The following MRPL10 variants were observed in gnomAD, a reference collection of about 807,000 sequenced individuals.
The protein encoded by MRPL10 is mitochondrial ribosomal protein L10.
MRPL10 carries 14 observed loss-of-function variants against 19.8 expected under a neutral mutation model. The observed-to-expected ratio is 0.71, with a 90% CI of 0.47 to 1.11. MRPL10 has a LOEUF of 1.11. Among genes scored for constraint, MRPL10 ranks in the 50% least tolerant of loss-of-function variants. MRPL10 has a pLI of 0.00. For missense variants in MRPL10, 318 were observed against 339.6 expected, an observed-to-expected ratio of 0.94 and a Z score of 0.50; for synonymous variants, 129 against 139.2, an observed-to-expected ratio of 0.93 and a Z score of 0.52.
In MRPL10 at chr17:47,827,117, G is replaced by C; in HGVS notation, c.310C>G (p.Leu104Val). The C allele has an allele frequency of 6.2e-7, 1 of 1,614,140 alleles. No individual in the cohort carries two copies. The highest frequency in any genetic ancestry group is 1.3e-5 in the African/African-American group (1 of 75,038). ...RMIAVCQNVA[L>V]SAEDKLLMRH... ...ATAAGAAGCTTGTCCTCTGCACTCA[G>C]AGCCACATTCTGGCAGACGGCTATC... Residue 104 changes from leucine (L) to valine (V), a missense_variant, in exon 3 of 5, where the codon CTG becomes GTG. Coordinates refer to ENST00000351111, the MANE Select transcript of MRPL10 (RefSeq NM_145255.4).
At chr17:47,827,467 G>A (rs1384060019) in intron 2 of MRPL10, among the ~76,000 whole-genome samples, 3 of 152,186 alleles carry the variant, frequency 2.0e-5, no homozygotes, top group Non-Finnish European at 4.4e-5. Flanking sequence ...CCCGAAAACA[G>A]GCCTGCAGTC....
intron 1 of MRPL10, 190 bp downstream of exon 1, chr17:47,831,270 G>C: frequency 6.8e-7 from 1 of 1,473,548 alleles, no homozygotes; most frequent in Non-Finnish European, 9.0e-7. Context: ...CAAAAGAAAC[G>C]CTGGAGACAG....
intron 4 of MRPL10, among the ~76,000 whole-genome samples, chr17:47,825,048 G>T (rs59111282): frequency 0.096 from 14,202 of 147,908 alleles, 891 homozygotes; most frequent in South Asian, 0.16. Flanking sequence ...TCAGGATGAG[G>T]TTGGGTACGG....
At position 47,831,504 on chromosome 17, in the gene MRPL10, G is replaced by A. The variant is rs1207530833; in HGVS notation, c.8C>T (p.Ala3Val). ...CCCTCGCAGCATCCCCGCCACGGCC[G>A]CAGCCATCTCCACCGGAAGAATGGA... MAAAVAGMLRGGL... is the reference protein window; with the variant it reads MAVAVAGMLRGGL... Residue 3 changes from alanine (A) to valine (V), a missense_variant, in exon 1 of 5, where the codon GCG becomes GTG. Ala to Val is a moderately conservative substitution (Grantham distance 64). Transcript: ENST00000351111. 6.5e-7 allele frequency: 1 copy of A among 1,549,958 alleles called. No homozygotes were observed. Among genetic ancestry groups the A allele is most frequent in the South Asian group, 1.2e-5 (1 of 84,014 alleles).
chr17:47,828,771 C>T (rs925404479), intron 1 of MRPL10, 101 bp from the exon 2 acceptor site: 1 of 922,630 alleles, frequency 1.1e-6, no homozygotes, highest in African/African-American at 1.7e-5. Context: ...AAAAGCACAG[C>T]TCACAGAGCT....
rs1346028432 is a variant in MRPL10 at position 47,831,457 on chromosome 17, T to C, written c.52+3A>G. On this transcript the variant is annotated splice_donor_region_variant and intron_variant, in intron 1 of 4. Transcript: ENST00000351111. ...CGCCGTGAGGACCTGGGCCACTCCT[T>C]ACCCGCCTGGGGCAGGAGACCCCCT... 6.5e-7 allele frequency: 1 copy of C among 1,548,514 alleles called. No individual in the cohort carries two copies. Among genetic ancestry groups the C allele is most frequent in the Non-Finnish European group, 8.7e-7 (1 of 1,146,762 alleles).
chr17:47,831,288 C>T, intron 1 of MRPL10, 172 bp downstream of exon 1: 2 of 1,517,406 alleles, frequency 1.3e-6, no homozygotes, highest in South Asian at 1.2e-5. Flanking sequence ...CAGACAACAT[C>T]TGGACGTTGT....
At chr17:47,828,379 T>G in intron 2 of MRPL10, 122 bp downstream of exon 2, 1 of 672,338 alleles carries the variant, frequency 1.5e-6, no homozygotes, top group Non-Finnish European at 2.3e-6. Context: ...GATCAGGCAG[T>G]CAAACTGAAA....
intron 1 of MRPL10, among the ~76,000 whole-genome samples, chr17:47,830,366 G>T (rs1421921831): frequency 6.6e-6 from 1 of 152,184 alleles, no homozygotes; most frequent in Non-Finnish European, 1.5e-5. Context: ...ACTGGGATGT[G>T]ACCTCAGAAA....
chr17:47,823,377 A>T lies in MRPL10; in HGVS notation c.*828T>A, dbSNP rs1188039627. 6.6e-6 allele frequency: 1 copy of T among 151,924 alleles called. No individual in the cohort carries two copies. Among genetic ancestry groups the T allele is most frequent in the Non-Finnish European group, 1.5e-5 (1 of 67,934 alleles). The allele number at this position is 151,924 out of a possible 1,614,324, so 9.4% of individuals were successfully genotyped here. A position where few individuals can be genotyped will look rare whatever the true frequency, so the allele number is the denominator to read the frequency against. On this transcript the variant is annotated 3_prime_UTR_variant, in exon 5 of 5. Transcript: ENST00000351111. ...GGATTTTCCTAGGAAGGGAAGCAAG[A>T]GTGAGGAAAGTCAGATGACAGAGAA...
At chr17:47,831,420 G>A (rs1367693303) in intron 1 of MRPL10, 40 bp downstream of exon 1, 4 of 1,547,702 alleles carry the variant, frequency 2.6e-6, no homozygotes, top group East Asian at 2.4e-5. Flanking sequence ...ACTAGAGAGC[G>A]GCCGCAAGAC....
In MRPL10 at chr17:47,826,649, G is replaced by C. The variant is rs1410162849; in HGVS notation, c.520C>G (p.Leu174Val). Residue 174 changes from leucine (L) to valine (V), a missense_variant, in exon 4 of 5, where the codon CTG becomes GTG. Physicochemically the swap from Leu to Val is conservative, Grantham distance 32. Transcript: ENST00000351111. ...MVRILRTVPF[L>V]PLLGGCIDDT... ...GGTGCTTGCTCACCTAGCAGCGGCA[G>C]GAATGGCACAGTCCTTAAGATCCGT... 2 of 1,613,504 alleles carry C rather than the reference G, an allele frequency of 1.2e-6. No individual in the cohort carries two copies. The highest frequency in any genetic ancestry group is 2.7e-5 in the African/African-American group (2 of 74,914).
intron 1 of MRPL10, 67 bp downstream of exon 1, chr17:47,831,393 G>C: frequency 1.3e-6 from 2 of 1,545,738 alleles, no homozygotes; most frequent in Non-Finnish European, 1.7e-6. Flanking sequence ...ATCAGTAGTA[G>C]AGGAGGGCAG....
Position 47,826,847 on chromosome 17 carries a change from T to C in MRPL10, c.388-66A>G, listed in dbSNP as rs2033542036. 8.1e-6 allele frequency: 13 copies of C among 1,600,820 alleles called. No individual in the cohort carries two copies. In the South Asian group the frequency reaches 1.1e-4, roughly 14 times the overall value. On this transcript the variant is annotated intron_variant, in intron 3 of 4. Coordinates refer to ENST00000351111, the MANE Select transcript of MRPL10 (RefSeq NM_145255.4). ...GGAGGAAGAGCTACCTCGTGGGTCA[T>C]GGGCCACATTAGGCTGAGGGTGCAA...
chr17:47,826,588 A>G, intron 4 of MRPL10, 49 bp downstream of exon 4: 1 of 1,606,474 alleles, frequency 6.2e-7, no homozygotes, highest in Non-Finnish European at 8.5e-7. Context: ...AGCAGATGGC[A>G]GCAGGCCCCT....
rs758918257 is a variant in MRPL10 at position 47,824,179 on chromosome 17, T to A, written c.*26A>T. The A allele has an allele frequency of 6.2e-7, 1 of 1,613,936 alleles. No homozygotes were observed. The highest frequency in any genetic ancestry group is 1.1e-5 in the South Asian group (1 of 91,050). On this transcript the variant is annotated 3_prime_UTR_variant, in exon 5 of 5. Coordinates refer to ENST00000351111, the MANE Select transcript of MRPL10 (RefSeq NM_145255.4). ...CAGCCAATAACGCAGAGTGTATTTATGCGCAGGGCTGGCTAAACAGGCTGG... is the reference window on the plus strand; with the variant it reads ...CAGCCAATAACGCAGAGTGTATTTAAGCGCAGGGCTGGCTAAACAGGCTGG...
chr17:47,825,782 A>G (rs1228705426), intron 4 of MRPL10, among the ~76,000 whole-genome samples: 1 of 152,150 alleles, frequency 6.6e-6, no homozygotes, highest in Non-Finnish European at 1.5e-5. Context: ...TAAGATGGTA[A>G]ATTTTGTGTG....
At chr17:47,829,100 C>G (rs1372331132) in intron 1 of MRPL10, 2 of 154,524 alleles carry the variant, frequency 1.3e-5, no homozygotes, top group Admixed American at 1.3e-4. Flanking sequence ...CCCATCTCTA[C>G]TAAAAATACA....
In MRPL10 at chr17:47,826,927, C is replaced by A. The variant is rs1298333936; in HGVS notation, c.387+113G>T. ...GGTTAGACACCAGATTAGAGGGTGA[C>A]TCATGGAGAGGAGGAGTAAGAAGTA... On this transcript the variant is annotated intron_variant, in intron 3 of 4. Coordinates refer to ENST00000351111, the MANE Select transcript of MRPL10 (RefSeq NM_145255.4). 5 of 1,456,702 alleles carry A rather than the reference C, an allele frequency of 3.4e-6. No individual in the cohort carries two copies. The African/African-American group carries it at 5.6e-5, about 16-fold the overall frequency. 90.2% of individuals were successfully genotyped at this position (1,456,702 alleles called of 1,614,324 possible).
Sources: gnomAD v4.1 joint callset for allele counts (sites outside exome capture counted in the v4.1 genomes callset) on GRCh38, gnomAD v4.1.1 for gene constraint, MANE v1.5 for transcripts, NCBI Gene and HGNC (gene_info 2026-07-23, HGNC 2026-07-21) for gene names.